NRF1: variants seen among roughly 807,000 people sequenced by gnomAD.
NRF1 encodes the protein alpha palindromic-binding protein.
Under a neutral mutation model 58.5 loss-of-function variants are expected in NRF1, and 5 were observed. That is an observed-to-expected ratio of 0.09 (90% CI 0.04 to 0.18). The LOEUF is 0.18. Ranked by LOEUF, NRF1 falls within the 10% of genes least tolerant of loss-of-function variation. The pLI is 1.00. For synonymous variants in NRF1, 224 were observed against 246.7 expected (o/e 0.91, Z 0.86); for missense variants, 288 against 657.7 (o/e 0.44, Z 6.15).
At chr7:129,726,992 A>T (rs1278106535) in intron 9 of NRF1, among the ~76,000 whole-genome samples, 1 of 152,258 alleles carries the variant, frequency 6.6e-6, no homozygotes, top group Non-Finnish European at 1.5e-5. Context: ...ACACTCAATT[A>T]CCGAGGTTCT....
chr7:129,691,863 C>T (rs930416464), intron 5 of NRF1, among the ~76,000 whole-genome samples: 1 of 152,154 alleles, frequency 6.6e-6, no homozygotes, highest in Non-Finnish European at 1.5e-5. Context: ...TCTTCCTCTT[C>T]TTACCTGATC....
intron 9 of NRF1, among the ~76,000 whole-genome samples, chr7:129,725,501 A>T (rs1373181648): frequency 1.3e-5 from 2 of 151,922 alleles, no homozygotes; most frequent in African/African-American, 4.8e-5. Context: ...CTAATTTTGT[A>T]TTTTTAGTAA....
chr7:129,635,367 A>G (rs1463186108), intron 1 of NRF1, among the ~76,000 whole-genome samples: 4 of 152,012 alleles, frequency 2.6e-5, no homozygotes, highest in African/African-American at 9.7e-5. Flanking sequence ...CTACTGTTAC[A>G]GTTTTTGTTT....
intron 4 of NRF1, among the ~76,000 whole-genome samples, chr7:129,679,687 C>T (rs1223998649): frequency 1.3e-5 from 2 of 150,886 alleles, no homozygotes; most frequent in Non-Finnish European, 2.9e-5. Context: ...CGTGCCACTG[C>T]ACTCCAGCCT....
At chr7:129,684,148 A>C (rs1350998107) in intron 4 of NRF1, among the ~76,000 whole-genome samples, 1 of 152,288 alleles carries the variant, frequency 6.6e-6, no homozygotes, top group Non-Finnish European at 1.5e-5. Flanking sequence ...CTAAGAAAAA[A>C]TAGAATAAAT....
intron 1 of NRF1, among the ~76,000 whole-genome samples, chr7:129,648,758 T>A (rs1801469617): frequency 6.6e-6 from 1 of 152,202 alleles, no homozygotes; most frequent in Non-Finnish European, 1.5e-5. Flanking sequence ...TCCACCTTTC[T>A]GTCCCTCTCC....
intron 10 of NRF1, among the ~76,000 whole-genome samples, chr7:129,738,421 GC>G (rs1363997813): frequency 6.6e-6 from 1 of 152,158 alleles, no homozygotes; most frequent in Non-Finnish European, 1.5e-5. Context: ...TCTTCCACAC[GC>G]CCCCCTGGGA....
At chr7:129,696,913 T>TATA (rs1011363534) in intron 5 of NRF1, among the ~76,000 whole-genome samples, 3 of 152,192 alleles carry the variant, frequency 2.0e-5, no homozygotes, top group Admixed American at 6.5e-5. Flanking sequence ...TTCTACTACA[T>TATA]ATAACCATGG....
At chr7:129,652,691 C>T (rs545117083) in intron 1 of NRF1, among the ~76,000 whole-genome samples, 86 of 152,258 alleles carry the variant, frequency 5.6e-4, no homozygotes, top group South Asian at 3.1e-3. Context: ...TCCGGGTTCA[C>T]GCCATTCTCC....
intron 9 of NRF1, among the ~76,000 whole-genome samples, chr7:129,721,844 G>C (rs1408522567): frequency 1.3e-5 from 2 of 151,990 alleles, no homozygotes; most frequent in African/African-American, 2.4e-5. Context: ...AAATAAAATG[G>C]GGCTTTTATA....
At position 129,755,592 on chromosome 7, in the gene NRF1, A is replaced by G. The variant is rs1804234649; in HGVS notation, c.*411A>G. The G allele has an allele frequency of 6.6e-6, 1 of 152,082 alleles. No individual in the cohort carries two copies. The highest frequency in any genetic ancestry group is 2.4e-5 in the African/African-American group (1 of 41,358). The allele number at this position is 152,082 out of a possible 1,614,324, so 9.4% of individuals were successfully genotyped here. ...ATGAAACCCGCATGGAATTATCTGT[A>G]TGAAATCAAGGTGCGCTGTGGAAAC... is the stretch of plus-strand genomic sequence containing the variant. On this transcript the variant is annotated 3_prime_UTR_variant, in exon 11 of 11. Transcript: ENST00000393232. This position sits in a 1 kb window ranked among gnomAD's most constrained non-coding sequence, Gnocchi z 5.8.
chr7:129,739,323 A>G (rs1803794061), intron 10 of NRF1, among the ~76,000 whole-genome samples: 1 of 152,250 alleles, frequency 6.6e-6, no homozygotes, highest in Admixed American at 6.5e-5. Flanking sequence ...AAACAGGCAC[A>G]TGTACCTAGT....
intron 5 of NRF1, among the ~76,000 whole-genome samples, chr7:129,697,283 C>G (rs1802720845): frequency 6.6e-6 from 1 of 151,756 alleles, no homozygotes; most frequent in Non-Finnish European, 1.5e-5. Flanking sequence ...GTGGCTCACG[C>G]ATGTAATCCC....
intron 9 of NRF1, among the ~76,000 whole-genome samples, chr7:129,721,253 A>G (rs1803315295): frequency 6.6e-6 from 1 of 152,072 alleles, no homozygotes; most frequent in African/African-American, 2.4e-5. Context: ...TTGGCTTTGT[A>G]GACTTACTCT....
intron 1 of NRF1, among the ~76,000 whole-genome samples, chr7:129,612,913 A>G (rs1393044083): frequency 1.3e-5 from 2 of 152,254 alleles, no homozygotes; most frequent in African/African-American, 2.4e-5. Context: ...GGGGGCTTCC[A>G]GTGATATCTG....
At chr7:129,734,008 G>T (rs1237315923) in intron 10 of NRF1, among the ~76,000 whole-genome samples, 1 of 151,872 alleles carries the variant, frequency 6.6e-6, no homozygotes, top group Non-Finnish European at 1.5e-5. Context: ...GGATGACAGA[G>T]TGAGACTCCA....
chr7:129,688,252 G>A (rs1444079027), intron 4 of NRF1, among the ~76,000 whole-genome samples: 4 of 151,998 alleles, frequency 2.6e-5, no homozygotes, highest in Admixed American at 6.6e-5. Flanking sequence ...TCAGCCTCCC[G>A]AGTAGCTGGG....
intron 4 of NRF1, among the ~76,000 whole-genome samples, chr7:129,682,630 TAAAAAAAAAAAA>T (rs771494622): frequency 1.1e-5 from 1 of 87,872 alleles, no homozygotes; most frequent in Non-Finnish European, 2.5e-5. Flanking sequence ...CAAAAAAATG[TAAAAAAAAAAAA>T]AAAAAAAAAA....
intron 9 of NRF1, among the ~76,000 whole-genome samples, chr7:129,725,332 CTT>C (rs886446824): frequency 3.5e-5 from 5 of 143,904 alleles, no homozygotes. Context: ...TAATTATTAT[CTT>C]TTTTTTTTTT....
Sources: allele counts gnomAD v4.1 joint callset (sites outside exome capture counted in the v4.1 genomes callset), GRCh38; gene constraint gnomAD v4.1.1; non-coding constraint Gnocchi (gnomAD v3.1); transcripts MANE v1.5; gene names NCBI Gene and HGNC (gene_info 2026-07-23, HGNC 2026-07-21).